CTXND1: variants seen among roughly 807,000 people sequenced by gnomAD.
CTXND1 encodes cortexin domain containing 1, also known as cortexin domain-containing 1 protein.
chr15:80,247,973 C>T (rs145024479), intron 1 of CTXND1, among the ~76,000 whole-genome samples: 109 of 152,282 alleles, frequency 7.2e-4, no homozygotes, highest in African/African-American at 2.4e-3. Context: ...CGAAAAAGTG[C>T]ACCCCTCTGA....
chr15:80,237,117 C>A (rs545875166), intron 1 of CTXND1, among the ~76,000 whole-genome samples: 1 of 151,996 alleles, frequency 6.6e-6, no homozygotes, highest in African/African-American at 2.4e-5. Flanking sequence ...TGGCAGATCA[C>A]GAGATCAGCA....
intron 1 of CTXND1, among the ~76,000 whole-genome samples, chr15:80,236,687 A>T (rs1245742194): frequency 6.6e-6 from 1 of 151,728 alleles, no homozygotes; most frequent in Non-Finnish European, 1.5e-5. Context: ...GGAGGCTGAG[A>T]CAGGAGAATT....
chr15:80,250,726 T>G (rs1215321543), intron 1 of CTXND1, among the ~76,000 whole-genome samples: 2 of 152,208 alleles, frequency 1.3e-5, no homozygotes, highest in African/African-American at 4.8e-5. Flanking sequence ...CTGGTACATA[T>G]CTTATGCTGA....
At chr15:80,246,505 G>A (rs1182659107) in intron 1 of CTXND1, among the ~76,000 whole-genome samples, 1 of 152,258 alleles carries the variant, frequency 6.6e-6, no homozygotes, top group Non-Finnish European at 1.5e-5. Flanking sequence ...ACTGCGTCAT[G>A]ACATTGGAGG....
intron 1 of CTXND1, among the ~76,000 whole-genome samples, chr15:80,205,185 T>G (rs186307956): frequency 4.6e-5 from 7 of 152,358 alleles, no homozygotes; most frequent in African/African-American, 1.7e-4. Context: ...GGTTGCCTCT[T>G]TCTTTTTAAT....
chr15:80,233,974 C>T (rs1484935027), intron 1 of CTXND1, among the ~76,000 whole-genome samples: 1 of 152,178 alleles, frequency 6.6e-6, no homozygotes, highest in African/African-American at 2.4e-5. Context: ...CCCTGCCTAC[C>T]TCCTCCATTC....
At chr15:80,222,694 C>G (rs1217973491) in intron 1 of CTXND1, among the ~76,000 whole-genome samples, 2 of 152,006 alleles carry the variant, frequency 1.3e-5, no homozygotes, top group Non-Finnish European at 2.9e-5. Context: ...TCTTGTTTTT[C>G]TTACAGTTTT....
chr15:80,231,391 A>G (rs1292754085), intron 1 of CTXND1, among the ~76,000 whole-genome samples: 1 of 149,460 alleles, frequency 6.7e-6, no homozygotes, highest in East Asian at 2.0e-4. Context: ...CCTGCATTTA[A>G]AAAAAAAGAA....
At chr15:80,240,811 T>C (rs964016153) in intron 1 of CTXND1, among the ~76,000 whole-genome samples, 1 of 152,194 alleles carries the variant, frequency 6.6e-6, no homozygotes, top group African/African-American at 2.4e-5. Flanking sequence ...TAATGAGGGA[T>C]GTTATTTCCT....
At chr15:80,238,307 A>C (rs1216781621) in intron 1 of CTXND1, among the ~76,000 whole-genome samples, 2 of 152,032 alleles carry the variant, frequency 1.3e-5, no homozygotes, top group African/African-American at 4.8e-5. Flanking sequence ...TACCTTTTCT[A>C]TGTTTAGATA....
rs916175683 is a variant in CTXND1 at position 80,196,160 on chromosome 15, A to G, written c.*5610T>C. On this transcript the variant is annotated 3_prime_UTR_variant, in exon 3 of 3. Coordinates refer to ENST00000560778, the MANE Select transcript of CTXND1 (RefSeq NM_001352888.2). ...GGTGGGGGCATGAAATTAGATTTCT[A>G]ACAAGCTCCCCAGAGATGCCAATGC... is the stretch of plus-strand genomic sequence containing the variant. 2.0e-5 allele frequency: 3 copies of G among 152,134 alleles called. No homozygotes were observed. The highest frequency in any genetic ancestry group is 4.8e-5 in the African/African-American group (2 of 41,422). 9.4% of individuals were successfully genotyped at this position (152,134 alleles called of 1,614,324 possible).
At chr15:80,209,593 T>C (rs1241174810) in intron 1 of CTXND1, among the ~76,000 whole-genome samples, 1 of 152,050 alleles carries the variant, frequency 6.6e-6, no homozygotes, top group East Asian at 1.9e-4. Flanking sequence ...TAAGGTTGGG[T>C]TGTAGCAGAT....
At chr15:80,238,507 C>T (rs552816092) in intron 1 of CTXND1, among the ~76,000 whole-genome samples, 8 of 143,294 alleles carry the variant, frequency 5.6e-5, no homozygotes, top group South Asian at 4.5e-4. Context: ...TTTTTTGAGA[C>T]GGAGTCTTGC....
chr15:80,202,321 G>T (rs535941025), intron 2 of CTXND1, among the ~76,000 whole-genome samples: 22 of 152,250 alleles, frequency 1.4e-4, no homozygotes, highest in African/African-American at 5.3e-4. Context: ...GTTGGGTGGG[G>T]ATAGAGGCCC....
intron 1 of CTXND1, among the ~76,000 whole-genome samples, chr15:80,249,080 G>A (rs1893665833): frequency 6.6e-6 from 1 of 152,052 alleles, no homozygotes; most frequent in Admixed American, 6.6e-5. Flanking sequence ...AGCTTCCCAA[G>A]TAGCTGGGAC....
Position 80,242,763 on chromosome 15 carries a change from A to G in CTXND1, c.-218+9244T>C, listed in dbSNP as rs76904776. 3.5e-3 allele frequency among the ~76,000 whole-genome samples: 527 copies of G among 152,206 alleles called. 5 individuals are homozygous for G. Among genetic ancestry groups the G allele is most frequent in the African/African-American group, 0.012 (498 of 41,546 alleles). ...ACTGGGGCTGCCTTTCTGCCCTACA[A>G]TGTGCAGGTGGAGCTGAGCTGCCAG... On this transcript the variant is annotated intron_variant, in intron 1 of 2. Coordinates refer to ENST00000560778, the MANE Select transcript of CTXND1 (RefSeq NM_001352888.2).
chr15:80,245,133 G>A (rs750368), intron 1 of CTXND1, among the ~76,000 whole-genome samples: 17 of 152,150 alleles, frequency 1.1e-4, no homozygotes, highest in South Asian at 2.1e-4. Flanking sequence ...CAGAGGGATC[G>A]TAAGACTAAC....
At position 80,201,233 on chromosome 15, in the gene CTXND1, T is replaced by G. The variant is rs1417968898; in HGVS notation, c.*537A>C. 1.3e-5 allele frequency: 2 copies of G among 152,304 alleles called. No homozygotes were observed. Among genetic ancestry groups the G allele is most frequent in the Non-Finnish European group, 2.9e-5 (2 of 68,120 alleles). 9.4% of individuals were successfully genotyped at this position (152,304 alleles called of 1,614,324 possible). ...CTGCTTGGAAGCAGCCCATATCCTG[T>G]GCGTTTTGTGAATTTTCAGGTGAGA... On this transcript the variant is annotated 3_prime_UTR_variant, in exon 3 of 3. Coordinates refer to ENST00000560778, the MANE Select transcript of CTXND1 (RefSeq NM_001352888.2).
At chr15:80,236,637 G>C (rs1354753566) in intron 1 of CTXND1, among the ~76,000 whole-genome samples, 1 of 152,102 alleles carries the variant, frequency 6.6e-6, no homozygotes, top group African/African-American at 2.4e-5. Context: ...ACAAATATTA[G>C]CCAGGTGTGG....
Sources: allele counts gnomAD v4.1 joint callset (sites outside exome capture counted in the v4.1 genomes callset), GRCh38; gene constraint gnomAD v4.1.1; transcripts MANE v1.5; gene names NCBI Gene and HGNC (gene_info 2026-07-23, HGNC 2026-07-21).